The following TRMT44 variants were observed in gnomAD, a reference collection of about 807,000 sequenced individuals.
TRMT44 encodes tRNA methyltransferase 44 homolog, also known as probable tRNA (uracil-O(2)-)-methyltransferase.
A neutral mutation model predicts 77.3 loss-of-function variants in TRMT44; 78 were observed. The ratio of observed to expected loss-of-function variants is 1.01; its 90% CI spans 0.84 to 1.22. TRMT44 has a LOEUF of 1.22. TRMT44 is among the 50% of genes most tolerant of loss of function. The pLI, the probability that TRMT44 is intolerant of heterozygous loss-of-function variation, is 0.00. For missense variants in TRMT44, 1,090 were observed against 964.4 expected, an observed-to-expected ratio of 1.13 and a Z score of -1.73; for synonymous variants, 391 against 383.3, an observed-to-expected ratio of 1.02 and a Z score of -0.23.
chr4:8,512,137 G>A, the TRMT44 span: 1 of 152,006 alleles, frequency 6.6e-6, no homozygotes, highest in Non-Finnish European at 1.5e-5. Context: ...TGCGATCTCG[G>A]TTCACTGCAC....
intron 6 of TRMT44, among the ~76,000 whole-genome samples, chr4:8,460,441 C>G (rs973737159): frequency 1.5e-4 from 23 of 152,234 alleles, no homozygotes; most frequent in African/African-American, 5.3e-4. Context: ...CTATCACTTA[C>G]CCTCAAGCAG....
chr4:8,475,749 G>A (rs1380780811), intron 10 of TRMT44, 23 bp from the exon 11 acceptor site: 1 of 1,611,016 alleles, frequency 6.2e-7, no homozygotes, highest in Non-Finnish European at 8.5e-7. Context: ...TTCTCAGTGT[G>A]TCTTCTCTGT....
chr4:8,488,942 G>A (rs1477071431), intron 2 of TRMT44, among the ~76,000 whole-genome samples: 1 of 152,224 alleles, frequency 6.6e-6, no homozygotes, highest in Admixed American at 6.5e-5. Context: ...AGAGGAGGAT[G>A]TGTGGGAGCA....
chr4:8,484,708 G>C (rs545033535), intron 2 of TRMT44, among the ~76,000 whole-genome samples: 36 of 152,246 alleles, frequency 2.4e-4, no homozygotes, highest in African/African-American at 8.7e-4. Context: ...AGTGGGGAAA[G>C]GATTTAGGAT....
intron 2 of TRMT44, among the ~76,000 whole-genome samples, chr4:8,493,027 C>G (rs369556990): frequency 1.3e-5 from 2 of 152,154 alleles, no homozygotes; most frequent in Non-Finnish European, 2.9e-5. Flanking sequence ...TCGACTGAGA[C>G]CTGTCTCAGA....
intron 2 of TRMT44, among the ~76,000 whole-genome samples, chr4:8,492,711 C>T (rs750684991): frequency 6.6e-6 from 1 of 152,214 alleles, no homozygotes; most frequent in Non-Finnish European, 1.5e-5. Context: ...CTCAAAGCCA[C>T]CTCTGCTCAC....
chr4:8,449,826 T>A lies in TRMT44; in HGVS notation c.892T>A (p.Ser298Thr). 1 of 1,535,902 alleles carries A rather than the reference T, an allele frequency of 6.5e-7. No homozygotes were observed. ...SDFKSTLSLI[S>T]IMKYSKAYQE... ...CTTTAAAAGCACCCTTTCCCTCATC[T>A]CCATTATGAAGTATAGCAAGGCTTA... The change falls in exon 3 of 11, where the codon TCC (serine) becomes ACC (threonine). Residue 298 changes from serine to threonine, a missense_variant. Physicochemically the swap from Ser to Thr is moderately conservative, Grantham distance 58. Transcript: ENST00000389737.
At chr4:8,514,957 AATTT>A in the TRMT44 span, among the ~76,000 whole-genome samples, 2 of 151,816 alleles carry the variant, frequency 1.3e-5, no homozygotes, top group South Asian at 2.1e-4. Flanking sequence ...GGCACCATTC[AATTT>A]ATTTATTTGT....
downstream of TRMT44, among the ~76,000 whole-genome samples, chr4:8,496,763 T>C (rs772512890): frequency 6.6e-5 from 10 of 151,874 alleles, no homozygotes; most frequent in Non-Finnish European, 1.3e-4. Context: ...TCTAGGGTAA[T>C]TAGGAGTTCA....
intron 10 of TRMT44, among the ~76,000 whole-genome samples, chr4:8,474,381 C>T (rs1376471134): frequency 6.6e-6 from 1 of 152,152 alleles, no homozygotes; most frequent in Non-Finnish European, 1.5e-5. Context: ...GGTTAAGAAA[C>T]CTCAGCTCCA....
rs1172285279 is a variant in TRMT44 at position 8,462,502 on chromosome 4, C to T, written c.1204-1483C>T. The stretch of plus-strand genomic sequence containing the variant: ...CAGGTAGATCACGAGGTCACGAGAT[C>T]GAGACCAGCCTGACTAACATGGTGA... On this transcript the variant is annotated intron_variant, in intron 6 of 10. Coordinates refer to ENST00000389737, the MANE Select transcript of TRMT44 (RefSeq NM_152544.3). 3.3e-5 allele frequency among the ~76,000 whole-genome samples: 5 copies of T among 152,180 alleles called. No homozygotes were observed. The South Asian group carries it at 6.2e-4, about 19-fold the overall frequency.
chr4:8,491,225 C>T (rs1335779735), intron 2 of TRMT44, among the ~76,000 whole-genome samples: 2 of 152,032 alleles, frequency 1.3e-5, no homozygotes, highest in East Asian at 1.9e-4. Flanking sequence ...TACAGAGTGT[C>T]GATTGGTGCA....
chr4:8,465,777 C>T (rs143661608), intron 8 of TRMT44, among the ~76,000 whole-genome samples: 1 of 152,222 alleles, frequency 6.6e-6, no homozygotes, highest in Non-Finnish European at 1.5e-5. Context: ...TCCTCCAGGC[C>T]TGCAGGAGTC....
At chr4:8,459,455 G>A (rs1560229662) in intron 6 of TRMT44, among the ~76,000 whole-genome samples, 1 of 152,160 alleles carries the variant, frequency 6.6e-6, no homozygotes, top group Non-Finnish European at 1.5e-5. Context: ...GGGAGGTTAG[G>A]TCAGCCATGT....
In TRMT44 at chr4:8,449,677, C is replaced by A. The variant is rs944588280; in HGVS notation, c.743C>A (p.Ser248Tyr). ...LSHSKEEWFI[S>Y]VLIFCPERWH... The stretch of plus-strand genomic sequence containing the variant: ...TTCTCTTATTTTTAAAGGTTCATAT[C>A]TGTTTTAATTTTCTGTCCAGAAAGA... The change falls in exon 3 of 11, where the codon TCT becomes TAT. Residue 248 changes from serine to tyrosine, a missense_variant. Ser to Tyr is a moderately radical substitution (Grantham distance 144). Coordinates refer to ENST00000389737, the MANE Select transcript of TRMT44 (RefSeq NM_152544.3). 7.2e-6 allele frequency: 11 copies of A among 1,534,564 alleles called. No homozygotes were observed. In the African/African-American group the frequency reaches 1.5e-4, roughly 21 times the overall value.
At chr4:8,498,925 G>C in the TRMT44 span, among the ~76,000 whole-genome samples, 4 of 152,166 alleles carry the variant, frequency 2.6e-5, no homozygotes, top group East Asian at 5.8e-4. The surrounding 1 kb of genome is among the most constrained non-coding windows in gnomAD (Gnocchi z 4.3). Context: ...GCGTGGTCCA[G>C]TTGCCCAGAG....
At position 8,476,066 on chromosome 4, in the gene TRMT44, C is replaced by T. The variant is rs1162677674; in HGVS notation, c.*65C>T. On this transcript the variant is annotated 3_prime_UTR_variant, in exon 11 of 11. Coordinates refer to ENST00000389737, the MANE Select transcript of TRMT44 (RefSeq NM_152544.3). The stretch of plus-strand genomic sequence containing the variant: ...AACCAAGGAGAGCTTCCCCAGCAGT[C>T]GTCAGTGCTGTGGTCTCTGCTCTGG... 12 of 1,470,392 alleles carry T rather than the reference C, an allele frequency of 8.2e-6. No individual in the cohort carries two copies. Among genetic ancestry groups the T allele is most frequent in the African/African-American group, 2.8e-5 (2 of 72,176 alleles). The allele number at this position is 1,470,392 out of a possible 1,614,324, so 91.1% of individuals were successfully genotyped here. A position where few individuals can be genotyped will look rare whatever the true frequency, so the allele number is the denominator to read the frequency against.
the TRMT44 span, among the ~76,000 whole-genome samples, chr4:8,515,529 G>A: frequency 6.6e-5 from 10 of 152,338 alleles, no homozygotes; most frequent in East Asian, 1.7e-3. Flanking sequence ...GTGTCACCAG[G>A]GGCAGGGCCA....
chr4:8,481,445 T>C (rs552479600), downstream of TRMT44, among the ~76,000 whole-genome samples: 7 of 152,292 alleles, frequency 4.6e-5, no homozygotes, highest in South Asian at 8.3e-4. Context: ...ATAAATCTCT[T>C]CAATATTTTA....
Sources: gnomAD v4.1 joint callset for allele counts (sites outside exome capture counted in the v4.1 genomes callset) on GRCh38, gnomAD v4.1.1 for gene constraint, Gnocchi (gnomAD v3.1) non-coding constraint, MANE v1.5 for transcripts, NCBI Gene and HGNC (gene_info 2026-07-23, HGNC 2026-07-21) for gene names.